The following MACROD2 variants were observed in gnomAD, a reference collection of about 807,000 sequenced individuals.
MACROD2 encodes the protein ADP-ribose glycohydrolase MACROD2.
Under a neutral mutation model 70.4 loss-of-function variants are expected in MACROD2, and 36 were observed. That is an observed-to-expected ratio of 0.51 (90% confidence interval 0.39 to 0.68). MACROD2 has a LOEUF of 0.68. MACROD2 is among the 30% of genes least tolerant of loss of function. The pLI is 0.00. For missense variants in MACROD2, 496 were observed against 538.4 expected, an observed-to-expected ratio of 0.92 and a Z score of 0.78; for synonymous variants, 172 against 178.8, an observed-to-expected ratio of 0.96 and a Z score of 0.30.
chr20:14,023,779 A>G (rs913027083), intron 2 of MACROD2, among the ~76,000 whole-genome samples: 1 of 152,212 alleles, frequency 6.6e-6, no homozygotes, highest in East Asian at 1.9e-4. Flanking sequence ...TAGCACCAGT[A>G]TCATGCTGTT....
At chr20:15,129,157 AAC>A (rs2123270611) in intron 5 of MACROD2, among the ~76,000 whole-genome samples, 1 of 152,196 alleles carries the variant, frequency 6.6e-6, no homozygotes, top group African/African-American at 2.4e-5. Flanking sequence ...TTATTAATGT[AAC>A]ATAATTTATT....
chr20:15,786,098 G>A lies in MACROD2; in HGVS notation c.646-76647G>A, dbSNP rs555646254. Among the ~76,000 whole-genome samples the A allele has an allele frequency of 2.1e-3, 320 of 151,266 alleles. 3 individuals carry two copies. Among genetic ancestry groups the A allele is most frequent in the African/African-American group, 7.2e-3 (295 of 41,210 alleles). Reference sequence around the variant, plus strand: ...TTAAGCCCCGTTAAAAATAACAAAAGGAGAATAAGATGGACTAAAATTAAA... The same window carrying A: ...TTAAGCCCCGTTAAAAATAACAAAAAGAGAATAAGATGGACTAAAATTAAA... On this transcript the variant is annotated intron_variant, in intron 8 of 17. Transcript: ENST00000684519.
At chr20:15,588,746 C>G (rs1342134569) in intron 8 of MACROD2, among the ~76,000 whole-genome samples, 1 of 152,172 alleles carries the variant, frequency 6.6e-6, no homozygotes, top group South Asian at 2.1e-4. Flanking sequence ...CCAACAAGTT[C>G]CTCATCTCCA....
At position 14,786,962 on chromosome 20, in the gene MACROD2, A is replaced by T. The variant is rs147214235; in HGVS notation, c.418+102003A>T. On this transcript the variant is annotated intron_variant, in intron 5 of 17. Coordinates refer to ENST00000684519, the MANE Select transcript of MACROD2 (RefSeq NM_001351661.2). ...TCCTCAGAACAGCCACCACTGGGAA[A>T]TTCAAATGATCATAGGCAATTTCTA... Among the ~76,000 whole-genome samples the T allele has an allele frequency of 1.9e-4, 29 of 152,228 alleles. No homozygotes were observed. In the East Asian group the frequency reaches 5.4e-3, roughly 28 times the overall value.
At chr20:14,914,300 G>C (rs886338525) in intron 5 of MACROD2, among the ~76,000 whole-genome samples, 1 of 152,146 alleles carries the variant, frequency 6.6e-6, no homozygotes, top group African/African-American at 2.4e-5. Flanking sequence ...AGGGAGGTGA[G>C]CTGCTCACAG....
intron 5 of MACROD2, chr20:14,893,765 T>C (rs1283180559): frequency 5.3e-5 from 8 of 152,100 alleles, no homozygotes; most frequent in Admixed American, 5.2e-4. Flanking sequence ...GCTATTAATA[T>C]AATACATTAT....
chr20:15,134,879 G>T (rs1242415621), intron 5 of MACROD2, among the ~76,000 whole-genome samples: 2 of 151,868 alleles, frequency 1.3e-5, no homozygotes, highest in East Asian at 1.9e-4. Flanking sequence ...TGATAAAGGG[G>T]ATATCACCAC....
At chr20:14,696,146 A>G (rs2071123294) in intron 5 of MACROD2, among the ~76,000 whole-genome samples, 2 of 152,166 alleles carry the variant, frequency 1.3e-5, no homozygotes, top group South Asian at 4.1e-4. Flanking sequence ...ACATTGGAAA[A>G]ACTATTATGA....
At chr20:15,089,346 G>A (rs1374944402) in intron 5 of MACROD2, among the ~76,000 whole-genome samples, 1 of 151,976 alleles carries the variant, frequency 6.6e-6, no homozygotes, top group Non-Finnish European at 1.5e-5. Context: ...TCCCCACTTA[G>A]GCAGAAGAAA....
chr20:14,767,694 G>C (rs2072109521), intron 5 of MACROD2, among the ~76,000 whole-genome samples: 1 of 151,454 alleles, frequency 6.6e-6, no homozygotes, highest in African/African-American at 2.4e-5. Context: ...AGAACCTGCA[G>C]GTTTGTCACA....
chr20:15,926,886 G>A (rs564564162), intron 10 of MACROD2, among the ~76,000 whole-genome samples: 1 of 152,176 alleles, frequency 6.6e-6, no homozygotes, highest in Non-Finnish European at 1.5e-5. Context: ...GGAGTGGTAT[G>A]AGCTGCCTCA....
chr20:14,936,073 G>A (rs1215688500), intron 5 of MACROD2, among the ~76,000 whole-genome samples: 1 of 152,036 alleles, frequency 6.6e-6, no homozygotes, highest in African/African-American at 2.4e-5. Flanking sequence ...ATTTCAGTGG[G>A]GGATGCAGAC....
At chr20:15,954,916 G>A (rs1427459472) in intron 12 of MACROD2, among the ~76,000 whole-genome samples, 4 of 152,140 alleles carry the variant, frequency 2.6e-5, no homozygotes, top group Admixed American at 2.6e-4. Context: ...TTACAAATGA[G>A]GAAAGTGAAG....
intron 8 of MACROD2, among the ~76,000 whole-genome samples, chr20:15,744,827 T>A (rs114605248): frequency 0.023 from 3,503 of 152,262 alleles, 108 homozygotes; most frequent in African/African-American, 0.071. Flanking sequence ...CAACTTTTTT[T>A]AAAATTTTTT....
intron 9 of MACROD2, among the ~76,000 whole-genome samples, chr20:15,872,837 C>G (rs1335865393): frequency 6.6e-6 from 1 of 152,052 alleles, no homozygotes; most frequent in Admixed American, 6.6e-5. Flanking sequence ...GTTGCTTATC[C>G]TTCTGATCTT....
intron 5 of MACROD2, among the ~76,000 whole-genome samples, chr20:15,039,543 G>A (rs778562411): frequency 1.3e-5 from 2 of 152,252 alleles, no homozygotes; most frequent in East Asian, 1.9e-4. Flanking sequence ...GCATGGCCAG[G>A]TGCCATACTT....
intron 6 of MACROD2, among the ~76,000 whole-genome samples, chr20:15,364,344 C>T (rs1208407290): frequency 2.0e-5 from 3 of 152,324 alleles, no homozygotes; most frequent in South Asian, 4.1e-4. Flanking sequence ...AGTAGCTCCT[C>T]TTCGAAGATT....
chr20:14,244,428 C>T (rs2081953436), intron 3 of MACROD2, among the ~76,000 whole-genome samples: 2 of 151,694 alleles, frequency 1.3e-5, no homozygotes, highest in African/African-American at 4.8e-5. Context: ...AAAGAGGTGT[C>T]ATGAAGAATG....
rs146834090 is a variant in MACROD2, at chr20:15,098,240, G to T, written c.419-131700G>T. Among the ~76,000 whole-genome samples the T allele has an allele frequency of 5.8e-3, 885 of 152,218 alleles. 5 individuals carry two copies. Among genetic ancestry groups the T allele is most frequent in the Admixed American group, 0.015 (227 of 15,294 alleles). ...GAAATTATTAATTTTTGAACAAAGG[G>T]TCTCACATTTTCATTTCATAGCAGG... On this transcript the variant is annotated intron_variant, in intron 5 of 17. Transcript: ENST00000684519.
Sources: gnomAD v4.1 joint callset for allele counts (sites outside exome capture counted in the v4.1 genomes callset) on GRCh38, gnomAD v4.1.1 for gene constraint, MANE v1.5 for transcripts, NCBI Gene and HGNC (gene_info 2026-07-23, HGNC 2026-07-21) for gene names.